The following TCF25 variants were observed in gnomAD, a reference collection of about 807,000 sequenced individuals.
The protein encoded by TCF25 is ribosome quality control complex subunit TCF25.
Under a neutral mutation model 83.1 loss-of-function variants are expected in TCF25, and 41 were observed. The ratio of observed to expected loss-of-function variants is 0.49; its 90% CI spans 0.38 to 0.64. The LOEUF (loss-of-function observed/expected upper bound fraction) is 0.64. Among genes scored for constraint, TCF25 ranks in the 30% least tolerant of loss-of-function variants. TCF25 has a pLI of 0.00. For synonymous variants in TCF25, 458 were observed against 365.0 expected, an observed-to-expected ratio of 1.25 and a Z score of -2.90; for missense variants, 979 against 914.5, an observed-to-expected ratio of 1.07 and a Z score of -0.91.
chr16:89,898,398 G>T (rs11648302), intron 9 of TCF25, among the ~76,000 whole-genome samples, 159 bp from the exon 10 acceptor site: 1,651 of 135,132 alleles, frequency 0.012, 5 homozygotes, highest in East Asian at 0.041. Context: ...GGTGGAGCGG[G>T]TGTTGACTGG....
intron 5 of TCF25, chr16:89,889,540 C>A: frequency 6.3e-6 from 1 of 159,454 alleles, no homozygotes; most frequent in Non-Finnish European, 1.4e-5. Context: ...CCTGGGTTTG[C>A]ACGTCTGAGT....
At chr16:89,875,497 A>G (rs1393534139) in intron 1 of TCF25, among the ~76,000 whole-genome samples, 3 of 138,394 alleles carry the variant, frequency 2.2e-5, no homozygotes, top group Non-Finnish European at 4.6e-5. Context: ...CTTCACATAG[A>G]TATTCCCTGA....
rs758166609 is a variant in TCF25, at chr16:89,883,503, C to A, written c.345C>A (p.Pro115=). Residue 115 remains proline, a synonymous_variant, in exon 2 of 18, where the codon CCC becomes CCA. Transcript: ENST00000263346. The stretch of plus-strand genomic sequence containing the variant: ...ATGGAGATGACACCGAGACAGTGCC[C>A]TCAGAGCAGGTGGGGGGCTGAGTGG... ...KTDGDDTETV[P]SEQSHASGKL... The A allele has an allele frequency of 5.0e-6, 8 of 1,604,640 alleles. No individual in the cohort carries two copies. In the South Asian group the frequency reaches 7.8e-5, roughly 16 times the overall value.
chr16:89,892,109 A>T, intron 5 of TCF25, 84 bp from the exon 6 acceptor site: 2 of 1,350,608 alleles, frequency 1.5e-6, no homozygotes, highest in Non-Finnish European at 2.0e-6. Flanking sequence ...TTGCTTCCAC[A>T]GCCCGTGCAG....
intron 1 of TCF25, among the ~76,000 whole-genome samples, chr16:89,877,226 C>G (rs897072882): frequency 6.6e-6 from 1 of 151,994 alleles, no homozygotes; most frequent in Non-Finnish European, 1.5e-5. Context: ...TTTTTGGAGA[C>G]AGAGTCTCGC....
At chr16:89,883,693 A>C in intron 2 of TCF25, 181 bp downstream of exon 2, 1 of 689,788 alleles carries the variant, frequency 1.4e-6, no homozygotes, top group South Asian at 1.9e-5. Context: ...AAATGAGTGA[A>C]GGTCGCAGGC....
At chr16:89,895,464 C>G (rs2043777173) in intron 8 of TCF25, among the ~76,000 whole-genome samples, 1 of 152,176 alleles carries the variant, frequency 6.6e-6, no homozygotes, top group African/African-American at 2.4e-5. Context: ...CCTCAGCCTC[C>G]CAAAGTGCTG....
At chr16:89,907,667 C>T (rs1227215876) in intron 16 of TCF25, among the ~76,000 whole-genome samples, 16 of 115,118 alleles carry the variant, frequency 1.4e-4, no homozygotes, top group Admixed American at 2.4e-4. Flanking sequence ...TCCCAGCTCC[C>T]TCCTCCCACC....
At chr16:89,877,378 A>C (rs569864698) in intron 1 of TCF25, among the ~76,000 whole-genome samples, 2 of 152,056 alleles carry the variant, frequency 1.3e-5, no homozygotes, top group Admixed American at 1.3e-4. Context: ...TAATTTTTTC[A>C]ATTTTTTTTG....
chr16:89,879,243 G>T (rs947546060), intron 1 of TCF25, among the ~76,000 whole-genome samples: 5 of 150,494 alleles, frequency 3.3e-5, no homozygotes, highest in Admixed American at 6.6e-5. Flanking sequence ...CGTGTTGTCC[G>T]TGTGCACAGA....
intron 5 of TCF25, chr16:89,889,552 CT>C (rs773150311): frequency 7.2e-3 from 1,032 of 143,118 alleles, no homozygotes; most frequent in South Asian, 0.019. Context: ...CGTCTGAGTT[CT>C]TTTTTTTTTT....
intron 1 of TCF25, among the ~76,000 whole-genome samples, chr16:89,882,362 C>A (rs376831429): frequency 1.3e-5 from 2 of 151,648 alleles, no homozygotes; most frequent in African/African-American, 4.8e-5. Flanking sequence ...TGTTGAGACC[C>A]CCATCTCTAC....
At chr16:89,888,305 A>C (rs1220619686) in intron 5 of TCF25, among the ~76,000 whole-genome samples, 2 of 148,578 alleles carry the variant, frequency 1.3e-5, no homozygotes, top group East Asian at 4.1e-4. Flanking sequence ...TTAAGATTCT[A>C]GTTTTGTCGT....
intron 4 of TCF25, among the ~76,000 whole-genome samples, chr16:89,886,344 C>T (rs757724284): frequency 6.6e-6 from 1 of 152,090 alleles, no homozygotes; most frequent in East Asian, 1.9e-4. Context: ...AGGAGAATGG[C>T]GTGAACCCAA....
intron 5 of TCF25, chr16:89,889,252 A>C: frequency 2.5e-6 from 1 of 397,984 alleles, no homozygotes; most frequent in Admixed American, 3.0e-5. Context: ...TGGGTTGTCC[A>C]GTCTGGTTTT....
chr16:89,877,861 A>T (rs2042312001), intron 1 of TCF25, among the ~76,000 whole-genome samples: 1 of 152,232 alleles, frequency 6.6e-6, no homozygotes, highest in Non-Finnish European at 1.5e-5. Context: ...CTTGCTAATA[A>T]ATTTTCCAGA....
intron 5 of TCF25, chr16:89,890,570 T>G (rs1381794145): frequency 6.6e-6 from 1 of 152,220 alleles, no homozygotes; most frequent in African/African-American, 2.4e-5. Flanking sequence ...ATATTTTACT[T>G]TACATTTTTG....
chr16:89,885,860 G>C lies in TCF25; in HGVS notation c.442G>C (p.Glu148Gln). 6.2e-7 allele frequency: 1 copy of C among 1,611,754 alleles called. No individual in the cohort carries two copies. Among genetic ancestry groups the C allele is most frequent in the Non-Finnish European group, 8.5e-7 (1 of 1,177,918 alleles). Residue 148 changes from glutamate (E) to glutamine (Q), a missense_variant, in exon 4 of 18, where the codon GAA (glutamate) becomes CAA (glutamine). Glu to Gln is a conservative substitution (Grantham distance 29, BLOSUM62 2). Transcript: ENST00000263346. ...STGEASENGL[E>Q]DIDRILERIE... Reference sequence around the variant, plus strand: ...TTGGGGCTTTTAGGAAAACGGACTAGAAGATATCGATCGCATCCTAGAGAG... The same window carrying C: ...TTGGGGCTTTTAGGAAAACGGACTACAAGATATCGATCGCATCCTAGAGAG...
rs1391111342 is a variant in TCF25, at chr16:89,883,666, T to TTGA, written c.354+158_354+160dup. 1.4e-5 allele frequency: 12 copies of TTGA among 830,478 alleles called. No individual in the cohort carries two copies. In the East Asian group the frequency reaches 2.2e-4, roughly 15 times the overall value. The allele number at this position is 830,478 out of a possible 1,614,324, so 51.4% of individuals were successfully genotyped here. On this transcript the variant is annotated intron_variant, in intron 2 of 17. Coordinates refer to ENST00000263346, the MANE Select transcript of TCF25 (RefSeq NM_014972.3). ...TTGCCCCCAAATTTACTTGGGAACC[T>TTGA]TGATGAGATTTGCATGAAATGAGTG...
Sources: gnomAD v4.1 joint callset for allele counts (sites outside exome capture counted in the v4.1 genomes callset) on GRCh38, gnomAD v4.1.1 for gene constraint, MANE v1.5 for transcripts, NCBI Gene and HGNC (gene_info 2026-07-23, HGNC 2026-07-21) for gene names.